IMPACT: variants seen among roughly 807,000 people sequenced by gnomAD.
IMPACT encodes the protein protein IMPACT.
In IMPACT, 35 loss-of-function variants were observed where a neutral mutation model predicts 47.5. That is an observed-to-expected ratio of 0.74 (90% CI 0.56 to 0.98). The LOEUF (loss-of-function observed/expected upper bound fraction) is 0.98. Among genes scored for constraint, IMPACT ranks in the 50% least tolerant of loss-of-function variants. The pLI, the probability that IMPACT is intolerant of heterozygous loss-of-function variation, is 0.00. For missense variants in IMPACT, 373 were observed against 394.8 expected (o/e 0.94, Z 0.47); for synonymous variants, 118 against 125.6 (o/e 0.94, Z 0.40).
chr18:24,437,651 A>G (rs1908984217), intron 4 of IMPACT, among the ~76,000 whole-genome samples: 1 of 152,232 alleles, frequency 6.6e-6, no homozygotes, highest in African/African-American at 2.4e-5. Flanking sequence ...ACTAAGTCAC[A>G]TTTATATTTC....
intron 2 of IMPACT, 29 bp downstream of exon 2, chr18:24,428,076 C>G: frequency 6.4e-7 from 1 of 1,553,562 alleles, no homozygotes; most frequent in Non-Finnish European, 8.7e-7. Flanking sequence ...TTGCAGCCAT[C>G]TTTCAGTTAC....
rs1421062590 is a variant in IMPACT, at chr18:24,428,051, CT to C, written c.165+9del. ...CAAATGGACACTTTGCTTGCAGGTA[CT>C]TTTTCCCCCTTCCTTGCAGCCATCT... On this transcript the variant is annotated splice_donor_5th_base_variant and intron_variant, in intron 2 of 10. Transcript: ENST00000284202. 7.7e-6 allele frequency: 12 copies of C among 1,567,310 alleles called. No individual in the cohort carries two copies. Among genetic ancestry groups the C allele is most frequent in the Admixed American group, 4.3e-5 (2 of 46,714 alleles).
chr18:24,433,442 A>G (rs905568668), intron 4 of IMPACT, among the ~76,000 whole-genome samples: 60 of 133,440 alleles, frequency 4.5e-4, no homozygotes, highest in African/African-American at 1.6e-3. Context: ...CTCATGATCC[A>G]CCCGCCTCGG....
chr18:24,435,555 A>G (rs1488575494), intron 4 of IMPACT: 1 of 152,142 alleles, frequency 6.6e-6, no homozygotes, highest in African/African-American at 2.4e-5. Context: ...AGGCTTCTTG[A>G]ATCAAAAATT....
At chr18:24,436,282 T>A (rs1908939177) in intron 4 of IMPACT, among the ~76,000 whole-genome samples, 1 of 152,212 alleles carries the variant, frequency 6.6e-6, no homozygotes, top group African/African-American at 2.4e-5. Context: ...TCTTGCTGTG[T>A]CGCCCAGGCT....
intron 4 of IMPACT, among the ~76,000 whole-genome samples, chr18:24,437,735 A>G (rs1362167177): frequency 1.3e-5 from 2 of 152,176 alleles, no homozygotes; most frequent in Non-Finnish European, 2.9e-5. Flanking sequence ...AAAGTAAGCC[A>G]TGTTAATTTT....
chr18:24,445,209 A>G (rs1460328302), intron 7 of IMPACT, among the ~76,000 whole-genome samples, 184 bp from the exon 8 acceptor site: 1 of 152,214 alleles, frequency 6.6e-6, no homozygotes, highest in African/African-American at 2.4e-5. Context: ...TTTTATACCA[A>G]TTATGAGTAC....
chr18:24,440,449 C>T (rs1235579190), intron 5 of IMPACT, 47 bp from the exon 6 acceptor site: 5 of 1,584,844 alleles, frequency 3.2e-6, no homozygotes, highest in Admixed American at 1.9e-5. Flanking sequence ...TAAAAAGCAT[C>T]GTTTCTTACC....
chr18:24,434,430 T>C (rs548375297), intron 4 of IMPACT, among the ~76,000 whole-genome samples: 3 of 152,118 alleles, frequency 2.0e-5, no homozygotes, highest in African/African-American at 7.2e-5. Flanking sequence ...AGGCCTTTAT[T>C]AAGGCAAAAA....
intron 6 of IMPACT, among the ~76,000 whole-genome samples, chr18:24,441,044 C>CT (rs1344531211): frequency 6.6e-6 from 1 of 152,092 alleles, no homozygotes; most frequent in Non-Finnish European, 1.5e-5. Context: ...AGTAAAATGC[C>CT]TTTAAGAGGT....
rs1433458631 is a variant in IMPACT at position 24,440,614 on chromosome 18, G to A, written c.486G>A (p.Arg162=). 1 of 1,612,790 alleles carries A rather than the reference G, an allele frequency of 6.2e-7. No individual in the cohort carries two copies. Among genetic ancestry groups the A allele is most frequent in the Non-Finnish European group, 8.5e-7 (1 of 1,179,364 alleles). Residue 162 remains arginine, a synonymous_variant, in exon 6 of 11, where the codon CGG becomes CGA. Transcript: ENST00000284202. ...TGGATTTTGATATCAGTGAAACTCG[G>A]ACAGGTATAATGTTACTAACTAATT... ...KALDFDISET[R]TEVEVEELPP...
At position 24,440,692 on chromosome 18, in the gene IMPACT, G is replaced by C. The variant is rs534683730; in HGVS notation, c.490+74G>C. On this transcript the variant is annotated intron_variant, in intron 6 of 10. Coordinates refer to ENST00000284202, the MANE Select transcript of IMPACT (RefSeq NM_018439.4). ...TTATGTATTGTTCTTTGAGATGATA[G>C]AGAAATTTACTAATTTTCTCCAGTT... The C allele has an allele frequency of 1.0e-5, 13 of 1,272,668 alleles. No homozygotes were observed. In the South Asian group the frequency reaches 2.4e-4, roughly 23 times the overall value. 78.8% of individuals were successfully genotyped at this position (1,272,668 alleles called of 1,614,324 possible).
intron 4 of IMPACT, among the ~76,000 whole-genome samples, chr18:24,434,283 G>A (rs4800571): frequency 0.66 from 100,856 of 151,792 alleles, 34,813 homozygotes; most frequent in Admixed American, 0.75. Flanking sequence ...CCAGGAGGTC[G>A]AGGTTCAGTC....
chr18:24,434,850 ATATATATGTG>A (rs1908873921), intron 4 of IMPACT, among the ~76,000 whole-genome samples: 6 of 135,338 alleles, frequency 4.4e-5, no homozygotes, highest in Admixed American at 2.2e-4. Flanking sequence ...ATATGTGTGT[ATATATATGTG>A]TATATATATG....
intron 10 of IMPACT, among the ~76,000 whole-genome samples, chr18:24,450,291 A>G (rs553039644): frequency 6.6e-6 from 1 of 152,324 alleles, no homozygotes; most frequent in African/African-American, 2.4e-5. Flanking sequence ...GTTGTAGCTG[A>G]TATCACATCA....
chr18:24,441,466 G>A (rs1284545018), intron 6 of IMPACT, among the ~76,000 whole-genome samples: 2 of 152,204 alleles, frequency 1.3e-5, no homozygotes, highest in Non-Finnish European at 2.9e-5. Flanking sequence ...ATAGGCGTGA[G>A]CCACCACGCC....
At chr18:24,440,804 G>A (rs1455865390) in intron 6 of IMPACT, among the ~76,000 whole-genome samples, 186 bp downstream of exon 6, 2 of 152,158 alleles carry the variant, frequency 1.3e-5, no homozygotes, top group African/African-American at 4.8e-5. Context: ...TATCAGAATG[G>A]CAAGGAAAAA....
chr18:24,427,367 A>G (rs1908637949), intron 1 of IMPACT: 1 of 153,108 alleles, frequency 6.5e-6, no homozygotes, highest in African/African-American at 2.4e-5. Flanking sequence ...TTTCTTTTTT[A>G]ACCCCAAGCC....
intron 5 of IMPACT, among the ~76,000 whole-genome samples, chr18:24,440,026 T>A (rs546069367): frequency 6.6e-6 from 1 of 152,322 alleles, no homozygotes; most frequent in South Asian, 2.1e-4. Context: ...TGCCTGATGA[T>A]GATTTTCTAT....
Sources: allele counts gnomAD v4.1 joint callset (sites outside exome capture counted in the v4.1 genomes callset), GRCh38; gene constraint gnomAD v4.1.1; transcripts MANE v1.5; gene names NCBI Gene and HGNC (gene_info 2026-07-23, HGNC 2026-07-21).